Variants in PTCH1 observed in about 807,000 individuals in gnomAD.
PTCH1 encodes the protein protein patched homolog 1.
In PTCH1, 14 loss-of-function variants were observed where a neutral mutation model predicts 144.6. That is an observed-to-expected ratio of 0.10 (90% CI 0.06 to 0.15). The LOEUF is 0.15. Among genes scored for constraint, PTCH1 ranks in the 10% least tolerant of loss-of-function variants. The pLI is 1.00. For missense variants in PTCH1, 1,623 were observed against 1,948.3 expected, an observed-to-expected ratio of 0.83 and a Z score of 3.14; for synonymous variants, 833 against 793.6, an observed-to-expected ratio of 1.05 and a Z score of -0.83.
intron 12 of PTCH1, among the ~76,000 whole-genome samples, chr9:95,475,484 C>A (rs1355385765): frequency 1.3e-5 from 2 of 152,174 alleles, no homozygotes; most frequent in Non-Finnish European, 2.9e-5. Flanking sequence ...AAAGGGCCCA[C>A]CGAGGCGGAC....
intron 12 of PTCH1, among the ~76,000 whole-genome samples, chr9:95,473,778 G>A (rs1358790398): frequency 6.6e-6 from 1 of 152,054 alleles, no homozygotes; most frequent in African/African-American, 2.4e-5. Context: ...TCCTGACCTC[G>A]TGATCCACCC....
upstream of PTCH1, among the ~76,000 whole-genome samples, chr9:95,510,833 C>A (rs895175407): frequency 6.6e-6 from 1 of 151,306 alleles, no homozygotes; most frequent in African/African-American, 2.4e-5. Flanking sequence ...CACGTGACCC[C>A]GCGCCAGGAG....
intron 2 of PTCH1, among the ~76,000 whole-genome samples, chr9:95,491,411 C>A (rs545625854): frequency 9.4e-4 from 143 of 152,306 alleles, no homozygotes; most frequent in Non-Finnish European, 1.8e-3. Context: ...CTGTGATGAA[C>A]CTCACAGGAC....
At position 95,480,093 on chromosome 9, in the gene PTCH1, A is replaced by G. The variant is rs1841412397; in HGVS notation, c.946-3T>C. On this transcript the variant is annotated splice_polypyrimidine_tract_variant and splice_region_variant and intron_variant, in intron 6 of 23. Transcript: ENST00000331920. Reference sequence around the variant, plus strand: ...AAAACAAGGGCCATATCAAGAGGCTAAAATAAAAAGACAGCCACATAATTA... The same window carrying G: ...AAAACAAGGGCCATATCAAGAGGCTGAAATAAAAAGACAGCCACATAATTA... 1.9e-6 allele frequency: 3 copies of G among 1,613,900 alleles called. No individual in the cohort carries two copies. Among genetic ancestry groups the G allele is most frequent in the African/African-American group, 1.3e-5 (1 of 74,874 alleles).
chr9:95,472,920 T>C (rs961521203), intron 12 of PTCH1, among the ~76,000 whole-genome samples: 9 of 152,258 alleles, frequency 5.9e-5, no homozygotes, highest in African/African-American at 2.2e-4. Context: ...GAGAAGATGA[T>C]GGGGATGATA....
rs894429158 is a variant in PTCH1 at position 95,444,345 on chromosome 9, AGAGGGAAGTCGACTT to A, written c.*2033_*2047del. The A allele has an allele frequency of 2.6e-5, 4 of 152,310 alleles. No individual in the cohort carries two copies. The highest frequency in any genetic ancestry group is 9.7e-5 in the African/African-American group (4 of 41,438). The allele number at this position is 152,310 out of a possible 1,614,324, so 9.4% of individuals were successfully genotyped here. A position where few individuals can be genotyped will look rare whatever the true frequency, so the allele number is the denominator to read the frequency against. ...AGGGAGCGAGGGCACGCCAGGAGCC[AGAGGGAAGTCGACTT>A]CAGAATTCTGCATCATCCCTCCTCC... is the stretch of plus-strand genomic sequence containing the variant. On this transcript the variant is annotated 3_prime_UTR_variant, in exon 24 of 24. Coordinates refer to ENST00000331920, the MANE Select transcript of PTCH1 (RefSeq NM_000264.5).
chr9:95,488,415 A>G (rs74383212), intron 2 of PTCH1, among the ~76,000 whole-genome samples: 1,812 of 152,282 alleles, frequency 0.012, 27 homozygotes, highest in East Asian at 0.031. Flanking sequence ...TTTCTCAACC[A>G]CCTATGCCAT....
chr9:95,466,038 GGC>G (rs1419007845), intron 15 of PTCH1, among the ~76,000 whole-genome samples: 16 of 152,144 alleles, frequency 1.1e-4, no homozygotes, highest in South Asian at 6.3e-4. Context: ...AGCCAATAAA[GGC>G]ACTGTTATTT....
Position 95,497,058 on chromosome 9 carries a change from G to A in PTCH1, c.394+9349C>T, listed in dbSNP as rs868342529. ...TTTATCATCACTATTTCTTAAAGCC[G>A]TTTTCTCAGATCACTCTGTAGAATA... On this transcript the variant is annotated intron_variant, in intron 2 of 23. Transcript: ENST00000331920. 2.0e-5 allele frequency among the ~76,000 whole-genome samples: 3 copies of A among 152,292 alleles called. No individual in the cohort carries two copies. The South Asian group carries it at 6.2e-4, about 32-fold the overall frequency.
intron 1 of PTCH1, 69 bp downstream of exon 1, chr9:95,508,092 T>C: frequency 6.2e-7 from 1 of 1,600,674 alleles, no homozygotes. Context: ...TGTGTTTGTG[T>C]GTGGCGGGGG....
In PTCH1 at chr9:95,480,087, G is replaced by C. The variant is rs1380199153; in HGVS notation, c.949C>G (p.Leu317Val). 8.1e-6 allele frequency: 13 copies of C among 1,613,846 alleles called. No individual in the cohort carries two copies. Among genetic ancestry groups the C allele is most frequent in the Non-Finnish European group, 8.5e-6 (10 of 1,180,016 alleles). The change falls in exon 7 of 24, where the codon CTT (leucine) becomes GTT (valine). Residue 317 changes from leucine (L) to valine (V), a missense_variant. Coordinates refer to ENST00000331920, the MANE Select transcript of PTCH1 (RefSeq NM_000264.5). ...TAPNKNSTKPLDMALVLNGGC... is the reference protein window; with the variant it reads ...TAPNKNSTKPVDMALVLNGGC... ...CCATTCAAAACAAGGGCCATATCAA[G>C]AGGCTAAAATAAAAAGACAGCCACA...
At chr9:95,501,211 G>A (rs1031999180) in intron 2 of PTCH1, among the ~76,000 whole-genome samples, 6 of 152,028 alleles carry the variant, frequency 3.9e-5, no homozygotes, top group Non-Finnish European at 8.8e-5. Flanking sequence ...CTCCCCCAGT[G>A]ACATCTGGCA....
rs1838770528 is a variant in PTCH1, at chr9:95,454,738, T to C, written c.3307-1118A>G. ...CCCACTGATTTCCTAAAGACATTCA[T>C]GAAAGAAGACTCTTCTTCACAGCCT... On this transcript the variant is annotated intron_variant, in intron 19 of 23. Coordinates refer to ENST00000331920, the MANE Select transcript of PTCH1 (RefSeq NM_000264.5). 2.0e-5 allele frequency among the ~76,000 whole-genome samples: 3 copies of C among 152,236 alleles called. No individual in the cohort carries two copies. In the South Asian group the frequency reaches 6.2e-4, roughly 31 times the overall value.
At chr9:95,490,893 T>A (rs1842350391) in intron 2 of PTCH1, among the ~76,000 whole-genome samples, 1 of 152,212 alleles carries the variant, frequency 6.6e-6, no homozygotes, top group Admixed American at 6.5e-5. Flanking sequence ...CACAAAAAAA[T>A]GATGAATGTG....
chr9:95,506,383 G>A lies in PTCH1; in HGVS notation c.394+24C>T, dbSNP rs561263076. The stretch of plus-strand genomic sequence containing the variant: ...CGAGGAGGGACCGGGCCGGGGGCGC[G>A]GGCGCCGCGGCGGGCGCTCTTACCT... On this transcript the variant is annotated intron_variant, in intron 2 of 23. Coordinates refer to ENST00000331920, the MANE Select transcript of PTCH1 (RefSeq NM_000264.5). 2.3e-4 allele frequency: 367 copies of A among 1,607,116 alleles called. 8 individuals carry two copies. The South Asian group carries it at 4.0e-3, about 17-fold the overall frequency.
At position 95,449,121 on chromosome 9, in the gene PTCH1, G is replaced by T. The variant is rs747739936; in HGVS notation, c.3752C>A (p.Ala1251Asp). 37 of 1,614,208 alleles carry T rather than the reference G, an allele frequency of 2.3e-5. No homozygotes were observed. The highest frequency in any genetic ancestry group is 1.5e-4 in the Admixed American group (9 of 60,024). Residue 1251 changes from alanine (A) to aspartate (D), a missense_variant, in exon 22 of 24, where the codon GCC becomes GAC. Physicochemically the swap from Ala to Asp is moderately radical, Grantham distance 126. This residue lies in a region of PTCH1 where 291 missense variants were observed against 287.4 expected (regional missense o/e 1.01). Coordinates refer to ENST00000331920, the MANE Select transcript of PTCH1 (RefSeq NM_000264.5). The surrounding 1 kb of genome is among the most constrained non-coding windows in gnomAD (Gnocchi z 5.3). ...TGTGGCTTCCACGATCACTTGGTGG[G>T]CAGGGCCTCCCGCGCCCTGCTGGGC... ...YEAQQGAGGP[A>D]HQVIVEATEN...
chr9:95,477,187 G>A (rs927314580), intron 10 of PTCH1, among the ~76,000 whole-genome samples: 2 of 152,194 alleles, frequency 1.3e-5, no homozygotes, highest in East Asian at 1.9e-4. Flanking sequence ...TCTCAGCCCC[G>A]GCCCCAGACT....
At chr9:95,467,544 G>A (rs1045673755) in intron 14 of PTCH1, 119 bp from the exon 15 acceptor site, 9 of 984,034 alleles carry the variant, frequency 9.1e-6, no homozygotes, top group Non-Finnish European at 1.4e-5. Context: ...GATTTATCTT[G>A]TAGGGGTTGT....
chr9:95,513,594 T>C (rs1362264822), upstream of PTCH1, among the ~76,000 whole-genome samples: 3 of 152,144 alleles, frequency 2.0e-5, no homozygotes, highest in African/African-American at 7.2e-5. Flanking sequence ...CTCAAGCCAA[T>C]GTGCCACCAT....
Sources: allele counts gnomAD v4.1 joint callset (sites outside exome capture counted in the v4.1 genomes callset), GRCh38; gene constraint gnomAD v4.1.1; regional missense constraint gnomAD v4.1.1; non-coding constraint Gnocchi (gnomAD v3.1); transcripts MANE v1.5; gene names NCBI Gene and HGNC (gene_info 2026-07-23, HGNC 2026-07-21).